Variants in ZBTB20 observed in about 807,000 individuals in gnomAD.
ZBTB20 encodes zinc finger and BTB domain containing 20, also known as zinc finger and BTB domain-containing protein 20.
ZBTB20 carries 9 observed loss-of-function variants against 56.9 expected under a neutral mutation model. The ratio of observed to expected loss-of-function variants is 0.16; its 90% CI spans 0.10 to 0.28. The LOEUF is 0.28. ZBTB20 is among the 10% of genes least tolerant of loss of function. The pLI, the probability that ZBTB20 is intolerant of heterozygous loss-of-function variation, is 1.00. For missense variants in ZBTB20, 655 were observed against 1,003.0 expected (o/e 0.65, Z 4.69); for synonymous variants, 417 against 420.7 (o/e 0.99, Z 0.11).
intron 4 of ZBTB20, among the ~76,000 whole-genome samples, chr3:114,856,084 G>A (rs1337680116): frequency 6.6e-6 from 1 of 152,094 alleles, no homozygotes; most frequent in Non-Finnish European, 1.5e-5. Context: ...TAGACAAGTG[G>A]CTTAACCTCT....
At chr3:114,516,148 T>C (rs2045967107) in intron 6 of ZBTB20, among the ~76,000 whole-genome samples, 1 of 152,188 alleles carries the variant, frequency 6.6e-6, no homozygotes. Context: ...TCATCCTTGC[T>C]ATACTCATTT....
chr3:114,654,353 A>T (rs986556702), intron 6 of ZBTB20, among the ~76,000 whole-genome samples: 2 of 151,904 alleles, frequency 1.3e-5, no homozygotes, highest in Non-Finnish European at 2.9e-5. Context: ...TAATTTAATT[A>T]TTTTAAAATT....
At chr3:114,522,750 G>A (rs1470605548) in intron 6 of ZBTB20, among the ~76,000 whole-genome samples, 2 of 152,110 alleles carry the variant, frequency 1.3e-5, no homozygotes, top group African/African-American at 2.4e-5. Flanking sequence ...ATACAGGTCT[G>A]GGAGAGAAAT....
At chr3:114,770,231 G>A (rs2069102526) in intron 5 of ZBTB20, among the ~76,000 whole-genome samples, 1 of 151,722 alleles carries the variant, frequency 6.6e-6, no homozygotes, top group African/African-American at 2.4e-5. Flanking sequence ...CTGAGGTCAG[G>A]AGTTCAAGAC....
chr3:115,062,687 A>T (rs1157033263), intron 2 of ZBTB20, among the ~76,000 whole-genome samples: 1 of 152,048 alleles, frequency 6.6e-6, no homozygotes, highest in Admixed American at 6.6e-5. Flanking sequence ...TGATTATTAA[A>T]AGACAATCTA....
chr3:114,522,613 C>T lies in ZBTB20; in HGVS notation c.-294-22222G>A, dbSNP rs115326141. On this transcript the variant is annotated intron_variant, in intron 6 of 11. Coordinates refer to ENST00000675478, the MANE Select transcript of ZBTB20 (RefSeq NM_001348800.3). Reference sequence around the variant, plus strand: ...CAATTAGGAGGCTACTGCAATAATCCGGGTAAGAAATGATAGTTGCTTGGA... The same window carrying T: ...CAATTAGGAGGCTACTGCAATAATCTGGGTAAGAAATGATAGTTGCTTGGA... 6.8e-3 allele frequency among the ~76,000 whole-genome samples: 1,034 copies of T among 152,112 alleles called. 16 individuals carry two copies. The highest frequency in any genetic ancestry group is 0.024 in the African/African-American group (987 of 41,472).
intron 4 of ZBTB20, among the ~76,000 whole-genome samples, chr3:114,839,613 C>G (rs890356907): frequency 6.6e-6 from 1 of 152,178 alleles, no homozygotes; most frequent in Admixed American, 6.5e-5. Flanking sequence ...CGCCCACATT[C>G]TAACCCCTGA....
chr3:114,875,566 C>G (rs1160147023), intron 4 of ZBTB20, among the ~76,000 whole-genome samples: 2 of 151,986 alleles, frequency 1.3e-5, no homozygotes, highest in Non-Finnish European at 2.9e-5. Context: ...TTTAGAATAA[C>G]ATTAGAAAAC....
chr3:114,649,386 G>C (rs1206796562), intron 6 of ZBTB20, among the ~76,000 whole-genome samples: 1 of 151,998 alleles, frequency 6.6e-6, no homozygotes, highest in Non-Finnish European at 1.5e-5. Context: ...AGGGTAAGTA[G>C]AAAATCTTCT....
At chr3:114,580,971 G>T (rs1471978901) in intron 6 of ZBTB20, among the ~76,000 whole-genome samples, 1 of 151,766 alleles carries the variant, frequency 6.6e-6, no homozygotes, top group Non-Finnish European at 1.5e-5. Flanking sequence ...AATAGCAAAA[G>T]ACCAAGGGAG....
chr3:114,881,502 A>G (rs900812949), intron 4 of ZBTB20, among the ~76,000 whole-genome samples: 5 of 152,000 alleles, frequency 3.3e-5, no homozygotes, highest in African/African-American at 1.2e-4. Context: ...TTTGCTGTTA[A>G]AAGTATCTCA....
chr3:114,802,263 T>G (rs2071773109), intron 4 of ZBTB20, among the ~76,000 whole-genome samples: 1 of 152,060 alleles, frequency 6.6e-6, no homozygotes, highest in Non-Finnish European at 1.5e-5. Flanking sequence ...AAGGTAATAT[T>G]TTAATATTTC....
At chr3:114,828,304 A>G (rs1326189574) in intron 4 of ZBTB20, among the ~76,000 whole-genome samples, 1 of 151,748 alleles carries the variant, frequency 6.6e-6, no homozygotes, top group Non-Finnish European at 1.5e-5. Context: ...AACACGTTCC[A>G]ACAGGATGAC....
chr3:114,347,137 G>A (rs377415853), intron 11 of ZBTB20, among the ~76,000 whole-genome samples: 97 of 107,660 alleles, frequency 9.0e-4, no homozygotes, highest in South Asian at 3.3e-3. Flanking sequence ...GGTTGGCCTC[G>A]AAACTCCTGG....
At chr3:114,959,279 GA>G (rs1202796047) in intron 3 of ZBTB20, among the ~76,000 whole-genome samples, 1 of 152,134 alleles carries the variant, frequency 6.6e-6, no homozygotes, top group Non-Finnish European at 1.5e-5. Context: ...TGAGGGAAAA[GA>G]GAATTGGAAT....
intron 6 of ZBTB20, among the ~76,000 whole-genome samples, chr3:114,620,771 T>C (rs1333566792): frequency 6.6e-6 from 1 of 152,152 alleles, no homozygotes; most frequent in Admixed American, 6.5e-5. Context: ...TGCAGTTTCA[T>C]ATATAGAAAA....
chr3:114,620,706 C>T (rs1007054166), intron 6 of ZBTB20, among the ~76,000 whole-genome samples: 12 of 152,208 alleles, frequency 7.9e-5, no homozygotes, highest in African/African-American at 2.4e-4. Context: ...CAATCTGACA[C>T]TGGTTGGGAG....
chr3:114,761,098 T>C (rs2068403377), intron 5 of ZBTB20, among the ~76,000 whole-genome samples: 2 of 152,188 alleles, frequency 1.3e-5, no homozygotes, highest in Non-Finnish European at 2.9e-5. Flanking sequence ...TATTTAACAG[T>C]GTAAGGCAAC....
At chr3:114,913,635 G>T (rs1158573351) in intron 3 of ZBTB20, among the ~76,000 whole-genome samples, 1 of 150,642 alleles carries the variant, frequency 6.6e-6, no homozygotes, top group Non-Finnish European at 1.5e-5. Flanking sequence ...TGCTTATGGG[G>T]TATTAAGAAA....
Sources: allele counts gnomAD v4.1 joint callset (sites outside exome capture counted in the v4.1 genomes callset), GRCh38; gene constraint gnomAD v4.1.1; transcripts MANE v1.5; gene names NCBI Gene and HGNC (gene_info 2026-07-23, HGNC 2026-07-21).